NDUFAF7: variants seen among roughly 807,000 people sequenced by gnomAD.
The protein encoded by NDUFAF7 is NADH:ubiquinone oxidoreductase complex assembly factor 7.
NDUFAF7 carries 48 observed loss-of-function variants against 47.2 expected under a neutral mutation model. That is an observed-to-expected ratio of 1.02 (90% CI 0.81 to 1.29). The LOEUF is 1.29. Ranked by LOEUF, NDUFAF7 falls within the 50% of genes most tolerant of loss-of-function variation. NDUFAF7 has a pLI of 0.00. For missense variants in NDUFAF7, 635 were observed against 537.6 expected, an observed-to-expected ratio of 1.18 and a Z score of -1.79; for synonymous variants, 217 against 190.0, an observed-to-expected ratio of 1.14 and a Z score of -1.17.
At chr2:37,267,932 C>A in the NDUFAF7 span, 1 of 189,534 alleles carries the variant, frequency 5.3e-6, no homozygotes, top group Non-Finnish European at 1.1e-5. Context: ...AACCATGTAC[C>A]CACAAACTCT....
chr2:37,242,722 A>G (rs752492923), intron 6 of NDUFAF7, 29 bp downstream of exon 6: 30 of 1,507,324 alleles, frequency 2.0e-5, no homozygotes, highest in Admixed American at 3.4e-5. Context: ...AGTCATGTCT[A>G]TAATTGAATA....
chr2:37,231,842 G>T, intron 1 of NDUFAF7, 82 bp downstream of exon 1: 1 of 1,598,714 alleles, frequency 6.3e-7, no homozygotes. Context: ...GAGGGTACCG[G>T]GGGATCAAGG....
downstream of NDUFAF7, chr2:37,252,646 A>G (rs1258498684): frequency 1.3e-5 from 2 of 152,038 alleles, no homozygotes; most frequent in African/African-American, 4.8e-5. Flanking sequence ...AAACCCTTCA[A>G]TGCCTCTATG....
At chr2:37,260,125 C>G in the NDUFAF7 span, 1 of 1,125,276 alleles carries the variant, frequency 8.9e-7, no homozygotes, top group Non-Finnish European at 1.2e-6. Flanking sequence ...GATTGCACCA[C>G]TGCACTCCAG....
chr2:37,255,572 G>C (rs1667865080), downstream of NDUFAF7, among the ~76,000 whole-genome samples: 1 of 152,172 alleles, frequency 6.6e-6, no homozygotes, highest in African/African-American at 2.4e-5. Context: ...CCACAGGAGA[G>C]AGGAAAACAA....
intron 2 of NDUFAF7, among the ~76,000 whole-genome samples, chr2:37,235,816 G>C (rs1014702540): frequency 2.6e-5 from 4 of 151,808 alleles, no homozygotes; most frequent in Admixed American, 6.6e-5. Context: ...CACCATGCCC[G>C]GCTAATTTTT....
chr2:37,234,411 C>T (rs1314458814), intron 2 of NDUFAF7, among the ~76,000 whole-genome samples: 1 of 151,972 alleles, frequency 6.6e-6, no homozygotes, highest in African/African-American at 2.4e-5. Context: ...TTTTTTAATA[C>T]ACTAGTAAAG....
At chr2:37,268,420 A>G in the NDUFAF7 span, 2 of 459,990 alleles carry the variant, frequency 4.3e-6, no homozygotes, top group Non-Finnish European at 8.9e-6. Flanking sequence ...GAGTCAACAC[A>G]TTTTCTAGGC....
chr2:37,246,148 C>G lies in NDUFAF7; in HGVS notation c.889C>G (p.Leu297Val). The change falls in exon 8 of 10, where the codon CTG becomes GTG. Residue 297 changes from leucine to valine, a missense_variant. Physicochemically the swap from Leu to Val is conservative, Grantham distance 32. Transcript: ENST00000002125. The stretch of plus-strand genomic sequence containing the variant: ...CATTGCATTAACTGGAGGTGCTGCA[C>G]TGGTTGCTGATTATGGTCATGATGG... ...QRIALTGGAA[L>V]VADYGHDGTK... The G allele has an allele frequency of 6.2e-7, 1 of 1,613,860 alleles. No homozygotes were observed. The highest frequency in any genetic ancestry group is 8.5e-7 in the Non-Finnish European group (1 of 1,179,866).
At chr2:37,236,934 T>G (rs546876673) in intron 3 of NDUFAF7, among the ~76,000 whole-genome samples, 45 of 152,268 alleles carry the variant, frequency 3.0e-4, no homozygotes, top group Non-Finnish European at 5.4e-4. Context: ...AAGCTCCCAG[T>G]CATGATTTTA....
rs1202057509 is a variant in NDUFAF7 at position 37,237,722 on chromosome 2, A to G, written c.298-35A>G. On this transcript the variant is annotated intron_variant, in intron 3 of 9. Transcript: ENST00000002125. ...GTGGTATACTTTTATACTTTATAATACTTTAATATGTGTTTTTTTTTTCCC... is the reference window on the plus strand; with the variant it reads ...GTGGTATACTTTTATACTTTATAATGCTTTAATATGTGTTTTTTTTTTCCC... The G allele has an allele frequency of 6.3e-6, 9 of 1,426,586 alleles. No individual in the cohort carries two copies. In the Admixed American group the frequency reaches 1.4e-4, roughly 21 times the overall value. 88.4% of individuals were successfully genotyped at this position (1,426,586 alleles called of 1,614,324 possible). A position where few individuals can be genotyped will look rare whatever the true frequency, so the allele number is the denominator to read the frequency against.
chr2:37,232,645 A>G (rs904713778), intron 2 of NDUFAF7, among the ~76,000 whole-genome samples: 1 of 151,666 alleles, frequency 6.6e-6, no homozygotes, highest in African/African-American at 2.4e-5. Flanking sequence ...AGTGTGTGGG[A>G]CTCTTAGGTA....
At chr2:37,261,570 C>T in the NDUFAF7 span, among the ~76,000 whole-genome samples, 6 of 151,936 alleles carry the variant, frequency 3.9e-5, no homozygotes, top group Non-Finnish European at 8.8e-5. Context: ...CACCTGAGAT[C>T]GGGAGTTCGA....
At chr2:37,256,984 C>A, downstream of NDUFAF7, 2 of 1,567,556 alleles carry the variant, frequency 1.3e-6, no homozygotes, top group Non-Finnish European at 1.7e-6. Flanking sequence ...TATGTAACTA[C>A]CTGTCCCTAA....
chr2:37,264,741 G>A, the NDUFAF7 span, among the ~76,000 whole-genome samples: 8 of 151,756 alleles, frequency 5.3e-5, no homozygotes, highest in Non-Finnish European at 1.0e-4. Context: ...GCTATTTTTG[G>A]GGGGGAAAAA....
chr2:37,252,611 T>G (rs1270799483), downstream of NDUFAF7: 1 of 152,124 alleles, frequency 6.6e-6, no homozygotes, highest in East Asian at 1.9e-4. Context: ...AACAGCCCAG[T>G]GCGCTTTTTC....
downstream of NDUFAF7, among the ~76,000 whole-genome samples, chr2:37,254,021 T>C (rs545351833): frequency 6.6e-6 from 1 of 152,320 alleles, no homozygotes; most frequent in South Asian, 2.1e-4. Flanking sequence ...CATGGGAGTT[T>C]AATTGCCTGT....
chr2:37,261,169 C>A, the NDUFAF7 span, among the ~76,000 whole-genome samples: 21 of 152,296 alleles, frequency 1.4e-4, no homozygotes, highest in East Asian at 1.3e-3. Flanking sequence ...GAACCAAGTG[C>A]TTAAACAATT....
At chr2:37,257,062 T>C, downstream of NDUFAF7, 1 of 1,017,976 alleles carries the variant, frequency 9.8e-7, no homozygotes, top group Non-Finnish European at 1.4e-6. Context: ...TAATCACAGA[T>C]AAGGAAATTG....
Sources: allele counts gnomAD v4.1 joint callset (sites outside exome capture counted in the v4.1 genomes callset), GRCh38; gene constraint gnomAD v4.1.1; transcripts MANE v1.5; gene names NCBI Gene and HGNC (gene_info 2026-07-23, HGNC 2026-07-21).